The following RGS6 variants were observed in gnomAD, a reference collection of about 807,000 sequenced individuals.
RGS6 encodes the protein regulator of G-protein signaling 6.
RGS6 carries 30 observed loss-of-function variants against 78.5 expected under a neutral mutation model. The ratio of observed to expected loss-of-function variants is 0.38; its 90% CI spans 0.29 to 0.52. RGS6 has a LOEUF of 0.52. Ranked by LOEUF, RGS6 falls within the 20% of genes least tolerant of loss-of-function variation. The pLI is 0.85. For missense variants in RGS6, 495 were observed against 609.7 expected, an observed-to-expected ratio of 0.81 and a Z score of 1.98; for synonymous variants, 206 against 206.0, an observed-to-expected ratio of 1.00 and a Z score of 0.00.
chr14:72,386,779 A>G (rs2088216977), intron 3 of RGS6, among the ~76,000 whole-genome samples: 1 of 152,176 alleles, frequency 6.6e-6, no homozygotes, highest in Non-Finnish European at 1.5e-5. Flanking sequence ...AAATAACTTG[A>G]AATATGGTAT....
Position 72,540,072 on chromosome 14 carries a change from T to G in RGS6, c.1400T>G (p.Leu467Arg). Reference protein sequence around the residue: ...PESEQGRRTSLEKFTRSVGKS... With the variant: ...PESEQGRRTSREKFTRSVGKS... ...AGTGAGCAAGGTCGTAGAACTTCCCTAGAAAAGTTCACTCGCAGTGTGGTA... is the reference window on the plus strand; with the variant it reads ...AGTGAGCAAGGTCGTAGAACTTCCCGAGAAAAGTTCACTCGCAGTGTGGTA... Residue 467 changes from leucine to arginine, a missense_variant, in exon 17 of 18, where the codon CTA (leucine) becomes CGA (arginine). Coordinates refer to ENST00000553525, the MANE Select transcript of RGS6 (RefSeq NM_001204424.2). 1 of 1,590,074 alleles carries G rather than the reference T, an allele frequency of 6.3e-7. No homozygotes were observed. The highest frequency in any genetic ancestry group is 8.5e-7 in the Non-Finnish European group (1 of 1,177,290).
intron 2 of RGS6, among the ~76,000 whole-genome samples, chr14:72,288,850 T>A (rs563328437): frequency 6.6e-6 from 1 of 152,258 alleles, no homozygotes; most frequent in South Asian, 2.1e-4. Flanking sequence ...CTTATGTAGA[T>A]TTTTTAAAGG....
intron 2 of RGS6, among the ~76,000 whole-genome samples, chr14:72,312,539 G>A (rs1385018662): frequency 6.6e-6 from 1 of 152,176 alleles, no homozygotes; most frequent in Non-Finnish European, 1.5e-5. Flanking sequence ...CAAGTGTCCA[G>A]ATCTTCTTGG....
At chr14:71,891,475 C>A in the RGS6 span, among the ~76,000 whole-genome samples, 1 of 152,174 alleles carries the variant, frequency 6.6e-6, no homozygotes, top group South Asian at 2.1e-4. Flanking sequence ...CCACGGTGGT[C>A]CAGCAGGTGG....
chr14:72,282,288 C>T (rs2061712259), intron 2 of RGS6, among the ~76,000 whole-genome samples: 1 of 152,110 alleles, frequency 6.6e-6, no homozygotes, highest in African/African-American at 2.4e-5. Flanking sequence ...TCTTTGTGAC[C>T]AAGTACCAAG....
chr14:72,087,937 T>C (rs80233900), intron 2 of RGS6, among the ~76,000 whole-genome samples: 2,945 of 152,178 alleles, frequency 0.019, 55 homozygotes, highest in Non-Finnish European at 0.024. Flanking sequence ...TTCTTTGGAT[T>C]CATAGCTATG....
At chr14:72,212,951 C>T (rs1172137030) in intron 2 of RGS6, among the ~76,000 whole-genome samples, 1 of 152,176 alleles carries the variant, frequency 6.6e-6, no homozygotes, top group Non-Finnish European at 1.5e-5. Context: ...TACCTGACCA[C>T]CTATCCCTTT....
In RGS6 at chr14:72,531,339, A is replaced by G. The variant is rs1194953979; in HGVS notation, c.1279-4847A>G. ...TCCCAGCTACTCATGAGGCTGAGGC[A>G]CGAGAATCACTTGGAACCCGGGAGG... On this transcript the variant is annotated intron_variant, in intron 15 of 17. Coordinates refer to ENST00000553525, the MANE Select transcript of RGS6 (RefSeq NM_001204424.2). Among the ~76,000 whole-genome samples the G allele has an allele frequency of 2.0e-5, 3 of 151,872 alleles. No individual in the cohort carries two copies. In the East Asian group the frequency reaches 5.8e-4, roughly 29 times the overall value.
chr14:72,072,278 T>C (rs955517423), intron 2 of RGS6, among the ~76,000 whole-genome samples: 6 of 151,990 alleles, frequency 3.9e-5, no homozygotes, highest in South Asian at 2.1e-4. Flanking sequence ...TGGATGTAGG[T>C]CTAGGAAGCT....
intron 2 of RGS6, among the ~76,000 whole-genome samples, chr14:72,201,220 A>G (rs1002085261): frequency 6.6e-6 from 1 of 152,218 alleles, no homozygotes; most frequent in East Asian, 1.9e-4. Flanking sequence ...GTATGTTCAC[A>G]TATATCAGGA....
chr14:71,981,838 T>A (rs1304311106), intron 2 of RGS6, among the ~76,000 whole-genome samples: 1 of 148,482 alleles, frequency 6.7e-6, no homozygotes, highest in Non-Finnish European at 1.5e-5. Flanking sequence ...CCGGCTGCTT[T>A]GTTTACCTAA....
intron 2 of RGS6, among the ~76,000 whole-genome samples, chr14:72,338,464 A>C (rs776104159): frequency 2.6e-5 from 4 of 152,210 alleles, no homozygotes; most frequent in South Asian, 2.1e-4. Context: ...TGATTCAATT[A>C]TCTCTCCACT....
chr14:72,357,040 G>A (rs891099042), intron 3 of RGS6, among the ~76,000 whole-genome samples: 1 of 152,170 alleles, frequency 6.6e-6, no homozygotes, highest in Non-Finnish European at 1.5e-5. Flanking sequence ...GGAGGCCATG[G>A]CAGGTGGATC....
At chr14:72,273,601 C>T (rs2060257329) in intron 2 of RGS6, among the ~76,000 whole-genome samples, 1 of 152,282 alleles carries the variant, frequency 6.6e-6, no homozygotes, top group Admixed American at 6.5e-5. Flanking sequence ...ATATGGTTAC[C>T]AGCAGCTGAT....
chr14:72,492,419 C>T (rs1299884668), intron 12 of RGS6, among the ~76,000 whole-genome samples: 1 of 152,146 alleles, frequency 6.6e-6, no homozygotes, highest in Non-Finnish European at 1.5e-5. Flanking sequence ...GGTAGGACCT[C>T]TCTGGAATGA....
In RGS6 at chr14:72,028,951, A is replaced by G. The variant is rs565478795; in HGVS notation, c.84+64076A>G. ...GCGTCATAAAAGCAGAATCTCCATA[A>G]CACATTAGGTGATTTCTAGAGTAAT... On this transcript the variant is annotated intron_variant, in intron 2 of 17. Transcript: ENST00000553525. Among the ~76,000 whole-genome samples, 14 of 152,334 alleles carry G rather than the reference A, an allele frequency of 9.2e-5. No individual in the cohort carries two copies. The South Asian group carries it at 2.7e-3, about 29-fold the overall frequency.
rs148751188 is a variant in RGS6, at chr14:72,156,369, C to G, written c.84+191494C>G. The stretch of plus-strand genomic sequence containing the variant: ...GCTGAGGCAGGAGAATCACTTGAAC[C>G]CAGGAGGCAGAGGTTGCAGTGAGCC... On this transcript the variant is annotated intron_variant, in intron 2 of 17. Coordinates refer to ENST00000553525, the MANE Select transcript of RGS6 (RefSeq NM_001204424.2). Among the ~76,000 whole-genome samples the G allele has an allele frequency of 7.8e-3, 1,157 of 148,710 alleles. 15 individuals are homozygous for G. The highest frequency in any genetic ancestry group is 0.027 in the African/African-American group (1,096 of 40,250).
rs2097301146 is a variant in RGS6, at chr14:72,540,021, C to A, written c.1369-20C>A. On this transcript the variant is annotated intron_variant, in intron 16 of 17. Coordinates refer to ENST00000553525, the MANE Select transcript of RGS6 (RefSeq NM_001204424.2). ...TTTTTTCTGTATTTTTCTCCCTACC[C>A]TTTTTTTTTTTTCCTAAAGCCAGAA... 1.7e-6 allele frequency: 2 copies of A among 1,187,292 alleles called. No homozygotes were observed. Among genetic ancestry groups the A allele is most frequent in the Non-Finnish European group, 2.3e-6 (2 of 871,536 alleles). The allele number at this position is 1,187,292 out of a possible 1,614,324, so 73.5% of individuals were successfully genotyped here.
chr14:72,163,816 A>G (rs1173054282), intron 2 of RGS6, among the ~76,000 whole-genome samples: 2 of 151,132 alleles, frequency 1.3e-5, no homozygotes, highest in African/African-American at 4.9e-5. Context: ...CTGGGAGGCA[A>G]TGGTTGCAGT....
Sources: allele counts gnomAD v4.1 joint callset (sites outside exome capture counted in the v4.1 genomes callset), GRCh38; gene constraint gnomAD v4.1.1; transcripts MANE v1.5; gene names NCBI Gene and HGNC (gene_info 2026-07-23, HGNC 2026-07-21).